Variants in SFTPA1 observed in about 807,000 individuals in gnomAD.
SFTPA1 encodes the protein pulmonary surfactant-associated protein A1.
Under a neutral mutation model 19.1 loss-of-function variants are expected in SFTPA1, and 13 were observed. The observed-to-expected ratio is 0.68, with a 90% CI of 0.44 to 1.08. The LOEUF (loss-of-function observed/expected upper bound fraction) is 1.08. SFTPA1 is among the 50% of genes least tolerant of loss of function. SFTPA1 has a pLI of 0.00. For synonymous variants in SFTPA1, 101 were observed against 117.0 expected, an observed-to-expected ratio of 0.86 and a Z score of 0.88; for missense variants, 259 against 316.4, an observed-to-expected ratio of 0.82 and a Z score of 1.38.
rs1860081034 is a variant in SFTPA1, at chr10:79,614,905, C to A, written c.*792C>A. On this transcript the variant is annotated 3_prime_UTR_variant, in exon 6 of 6. Transcript: ENST00000398636. Reference sequence around the variant, plus strand: ...CAGTGGGCATTCACACCACCCCCCACACCACTGGCTCTGCTTTCTCCTTTC... The same window carrying A: ...CAGTGGGCATTCACACCACCCCCCAAACCACTGGCTCTGCTTTCTCCTTTC... 9.3e-7 allele frequency: 1 copy of A among 1,073,274 alleles called. No individual in the cohort carries two copies. Among genetic ancestry groups the A allele is most frequent in the African/African-American group, 1.6e-5 (1 of 61,092 alleles). 66.5% of individuals were successfully genotyped at this position (1,073,274 alleles called of 1,614,324 possible). A position where few individuals can be genotyped will look rare whatever the true frequency, so the allele number is the denominator to read the frequency against.
chr10:79,612,427 T>C lies in SFTPA1; in HGVS notation c.288T>C (p.Pro96=), dbSNP rs746749035. The change falls in exon 4 of 6, where the codon CCT becomes CCC. Residue 96 remains proline, a synonymous_variant. Transcript: ENST00000398636. ...AGGGGGAGCCTGGCGAGAGGGGCCC[T>C]CCAGGTGAGCAGGGTGGGGCAGGTG... ...GEKGEPGERG[P]PGLPAHLDEE... 4 of 1,613,286 alleles carry C rather than the reference T, an allele frequency of 2.5e-6. No homozygotes were observed. Among genetic ancestry groups the C allele is most frequent in the Admixed American group, 1.7e-5 (1 of 59,970 alleles).
At position 79,612,413 on chromosome 10, in the gene SFTPA1, GGC is replaced by G. The variant is rs748761409; in HGVS notation, c.276_277del (p.Arg94GlyfsTer11). On this transcript the variant is annotated frameshift_variant, in exon 4 of 6. Transcript: ENST00000398636. LOFTEE classifies it high-confidence loss of function. ...AGAGTGTGGAGAGAAGGGGGAGCCT[GGC>G]GAGAGGGGCCCTCCAGGTGAGCAGG... ...PGECGEKGEP[G>X]ERGPPGLPAH... 1 of 1,613,758 alleles carries G rather than the reference GGC, an allele frequency of 6.2e-7. No homozygotes were observed.
At position 79,615,031 on chromosome 10, in the gene SFTPA1, T is replaced by C; in HGVS notation, c.*918T>C. The C allele has an allele frequency of 7.7e-7, 1 of 1,305,338 alleles. No homozygotes were observed. Among genetic ancestry groups the C allele is most frequent in the Non-Finnish European group, 1.0e-6 (1 of 988,936 alleles). 80.9% of individuals were successfully genotyped at this position (1,305,338 alleles called of 1,614,324 possible). A position where few individuals can be genotyped will look rare whatever the true frequency, so the allele number is the denominator to read the frequency against. Reference sequence around the variant, plus strand: ...GTAATCAGTGACAGTTGAAGATTTTTTTTTCCCAGAGCTTATGTCTTCATC... The same window carrying C: ...GTAATCAGTGACAGTTGAAGATTTTCTTTTCCCAGAGCTTATGTCTTCATC... On this transcript the variant is annotated 3_prime_UTR_variant, in exon 6 of 6. Transcript: ENST00000398636.
rs1589242831 is a variant in SFTPA1 at position 79,615,359 on chromosome 10, G to A, written c.*1246G>A. 9.0e-6 allele frequency: 2 copies of A among 223,370 alleles called. No homozygotes were observed. Among genetic ancestry groups the A allele is most frequent in the East Asian group, 1.2e-4 (1 of 8,618 alleles). 13.8% of individuals were successfully genotyped at this position (223,370 alleles called of 1,614,324 possible). On this transcript the variant is annotated 3_prime_UTR_variant, in exon 6 of 6. Transcript: ENST00000398636. ...AGGCTGGATCCAAACCCATCTTCCT[G>A]GACCTGAAGCTTATGCTTCCAGCCA...
At position 79,613,046 on chromosome 10, in the gene SFTPA1, C is replaced by T. The variant is rs184807606; in HGVS notation, c.293-143C>T. 7.4e-5 allele frequency: 114 copies of T among 1,535,998 alleles called. No individual in the cohort carries two copies. The African/African-American group carries it at 1.2e-3, about 17-fold the overall frequency. ...TGGAGACACACTGGAATCTTGTGGA[C>T]CCTCTGAGCCTAGGGTCTGGGTGGC... On this transcript the variant is annotated intron_variant, in intron 4 of 5. Coordinates refer to ENST00000398636, the MANE Select transcript of SFTPA1 (RefSeq NM_005411.5).
rs780779524 is a variant in SFTPA1 at position 79,612,297 on chromosome 10, C to T, written c.173-15C>T. ...GGTGACAGATCCTACACATCCATGT[C>T]TCTTTTCTCTGCAGGCCCCATGGGT... On this transcript the variant is annotated splice_polypyrimidine_tract_variant and intron_variant, in intron 3 of 5. Coordinates refer to ENST00000398636, the MANE Select transcript of SFTPA1 (RefSeq NM_005411.5). The T allele has an allele frequency of 1.3e-5, 21 of 1,613,770 alleles. No individual in the cohort carries two copies. Among genetic ancestry groups the T allele is most frequent in the Admixed American group, 1.2e-4 (7 of 60,004 alleles).
In SFTPA1 at chr10:79,614,233, G is replaced by A. The variant is rs1059071; in HGVS notation, c.*120G>A. The A allele has an allele frequency of 4.7e-5, 72 of 1,534,776 alleles. No individual in the cohort carries two copies. The South Asian group carries it at 5.7e-4, about 12-fold the overall frequency. ...TCAACAGAATTCACTTGTGGCTATTGGGACTGGAGGCACCCTTAGCCACTT... is the reference window on the plus strand; with the variant it reads ...TCAACAGAATTCACTTGTGGCTATTAGGACTGGAGGCACCCTTAGCCACTT... On this transcript the variant is annotated 3_prime_UTR_variant, in exon 6 of 6. Transcript: ENST00000398636.
In SFTPA1 at chr10:79,614,139, A is replaced by G; in HGVS notation, c.*26A>G. 1.2e-6 allele frequency: 2 copies of G among 1,614,226 alleles called. No homozygotes were observed. The highest frequency in any genetic ancestry group is 2.2e-5 in the South Asian group (2 of 91,080). ...GAGGCATTTAGGCCATGGGACAGGGAGGACGCTCTCTGGCCTTCGGCCTCC... is the reference window on the plus strand; with the variant it reads ...GAGGCATTTAGGCCATGGGACAGGGGGGACGCTCTCTGGCCTTCGGCCTCC... On this transcript the variant is annotated 3_prime_UTR_variant, in exon 6 of 6. Coordinates refer to ENST00000398636, the MANE Select transcript of SFTPA1 (RefSeq NM_005411.5).
At position 79,614,127 on chromosome 10, in the gene SFTPA1, C is replaced by A. The variant is rs758760185; in HGVS notation, c.*14C>A. 6.2e-7 allele frequency: 1 copy of A among 1,614,232 alleles called. No individual in the cohort carries two copies. The highest frequency in any genetic ancestry group is 8.5e-7 in the Non-Finnish European group (1 of 1,180,032). ...TGTGAGTTCTGAGAGGCATTTAGGCCATGGGACAGGGAGGACGCTCTCTGG... is the reference window on the plus strand; with the variant it reads ...TGTGAGTTCTGAGAGGCATTTAGGCAATGGGACAGGGAGGACGCTCTCTGG... On this transcript the variant is annotated 3_prime_UTR_variant, in exon 6 of 6. Coordinates refer to ENST00000398636, the MANE Select transcript of SFTPA1 (RefSeq NM_005411.5).
At chr10:79,613,358 T>G (rs1479707533) in intron 5 of SFTPA1, 92 bp downstream of exon 5, 1 of 1,573,654 alleles carries the variant, frequency 6.4e-7, no homozygotes. Context: ...AGATTACAAA[T>G]AGGCATGCAC....
chr10:79,612,718 C>T (rs1859930982), intron 4 of SFTPA1, among the ~76,000 whole-genome samples: 1 of 152,072 alleles, frequency 6.6e-6, no homozygotes, highest in Non-Finnish European at 1.5e-5. Context: ...GCAGGGGAGG[C>T]ATGTCCTGGG....
intron 5 of SFTPA1, 108 bp downstream of exon 5, chr10:79,613,374 G>T: frequency 6.6e-7 from 1 of 1,523,246 alleles, no homozygotes; most frequent in Non-Finnish European, 9.1e-7. Flanking sequence ...TGCACATGCA[G>T]GTCTTGGGGA....
At position 79,613,206 on chromosome 10, in the gene SFTPA1, G is replaced by T. The variant is rs761220045; in HGVS notation, c.310G>T (p.Asp104Tyr). The change falls in exon 5 of 6, where the codon GAT becomes TAT. Residue 104 changes from aspartate to tyrosine, a missense_variant. Asp to Tyr is a radical substitution (Grantham distance 160). Coordinates refer to ENST00000398636, the MANE Select transcript of SFTPA1 (RefSeq NM_005411.5). ...RGPPGLPAHL[D>Y]EELQATLHDF... ...CTCCACAGGGCTTCCAGCTCATCTA[G>T]ATGAGGAGCTCCAAGCCACACTCCA... 4.3e-6 allele frequency: 7 copies of T among 1,614,038 alleles called. No homozygotes were observed. In the South Asian group the frequency reaches 6.6e-5, roughly 15 times the overall value.
At chr10:79,613,050 C>T in intron 4 of SFTPA1, 139 bp from the exon 5 acceptor site, 2 of 1,547,146 alleles carry the variant, frequency 1.3e-6, no homozygotes, top group South Asian at 2.5e-5. Flanking sequence ...TGTGGACCCT[C>T]TGAGCCTAGG....
At position 79,613,948 on chromosome 10, in the gene SFTPA1, C is replaced by T; in HGVS notation, c.582C>T (p.Ser194=). 1 of 1,614,144 alleles carries T rather than the reference C, an allele frequency of 6.2e-7. No individual in the cohort carries two copies. Residue 194 remains serine, a synonymous_variant, in exon 6 of 6, where the codon AGC becomes AGT. Coordinates refer to ENST00000398636, the MANE Select transcript of SFTPA1 (RefSeq NM_005411.5). The part of the protein sequence containing the change: ...YAYVGLTEGP[S]PGDFRYSDGT... The stretch of plus-strand genomic sequence containing the variant: ...ATGTAGGCCTGACTGAGGGTCCCAG[C>T]CCTGGAGACTTCCGCTACTCAGACG...
Position 79,614,018 on chromosome 10 carries a change from G to A in SFTPA1, c.652G>A (p.Gly218Ser), listed in dbSNP as rs750742015. 1 of 1,614,240 alleles carries A rather than the reference G, an allele frequency of 6.2e-7. No homozygotes were observed. The highest frequency in any genetic ancestry group is 1.1e-5 in the South Asian group (1 of 91,080). ...CAACTGGTACCGAGGGGAGCCCGCA[G>A]GTCGGGGAAAAGAGCAGTGTGTGGA... ...YTNWYRGEPA[G>S]RGKEQCVEMY... Residue 218 changes from glycine (G) to serine (S), a missense_variant, in exon 6 of 6, where the codon GGT becomes AGT. Coordinates refer to ENST00000398636, the MANE Select transcript of SFTPA1 (RefSeq NM_005411.5).
chr10:79,614,110 C>T lies in SFTPA1; in HGVS notation c.744C>T (p.Phe248=), dbSNP rs753902535. ...CLYSRLTICE[F] ...ACTCCCGACTGACCATCTGTGAGTT[C>T]TGAGAGGCATTTAGGCCATGGGACA... The change falls in exon 6 of 6, where the codon TTC becomes TTT. Residue 248 remains phenylalanine (F), a synonymous_variant. Coordinates refer to ENST00000398636, the MANE Select transcript of SFTPA1 (RefSeq NM_005411.5). 3.1e-6 allele frequency: 5 copies of T among 1,614,090 alleles called. No individual in the cohort carries two copies. The highest frequency in any genetic ancestry group is 4.2e-6 in the Non-Finnish European group (5 of 1,180,036).
At position 79,611,523 on chromosome 10, in the gene SFTPA1, C is replaced by T. The variant is rs893033956; in HGVS notation, c.-24+134C>T. ...TGAGGCACTGAAAGAAAGGAGACTG[C>T]ACTGGAGCCCAGGTCCCCGGGCTCC... On this transcript the variant is annotated intron_variant, in intron 2 of 5. Coordinates refer to ENST00000398636, the MANE Select transcript of SFTPA1 (RefSeq NM_005411.5). 47 of 1,468,696 alleles carry T rather than the reference C, an allele frequency of 3.2e-5. No individual in the cohort carries two copies. In the African/African-American group the frequency reaches 6.1e-4, roughly 19 times the overall value. 91.0% of individuals were successfully genotyped at this position (1,468,696 alleles called of 1,614,324 possible). A position where few individuals can be genotyped will look rare whatever the true frequency, so the allele number is the denominator to read the frequency against.
chr10:79,614,197 A>G lies in SFTPA1; in HGVS notation c.*84A>G. 1 of 1,609,398 alleles carries G rather than the reference A, an allele frequency of 6.2e-7. No homozygotes were observed. Among genetic ancestry groups the G allele is most frequent in the Non-Finnish European group, 8.5e-7 (1 of 1,176,788 alleles). On this transcript the variant is annotated 3_prime_UTR_variant, in exon 6 of 6. Coordinates refer to ENST00000398636, the MANE Select transcript of SFTPA1 (RefSeq NM_005411.5). ...GGCTCCACTTGGTCTGTGAGATGCT[A>G]GAACTCCCTTTCAACAGAATTCACT...
Sources: allele counts gnomAD v4.1 joint callset (sites outside exome capture counted in the v4.1 genomes callset), GRCh38; gene constraint gnomAD v4.1.1; transcripts MANE v1.5; gene names NCBI Gene and HGNC (gene_info 2026-07-23, HGNC 2026-07-21).